Variants in TRAPPC12 observed in about 807,000 individuals in gnomAD.
The protein encoded by TRAPPC12 is trafficking protein particle complex subunit 12.
A neutral mutation model predicts 69.2 loss-of-function variants in TRAPPC12; 61 were observed. That is an observed-to-expected ratio of 0.88 (90% CI 0.72 to 1.09). TRAPPC12 has a LOEUF of 1.09. Among genes scored for constraint, TRAPPC12 ranks in the 50% least tolerant of loss-of-function variants. TRAPPC12 has a pLI of 0.00. For missense variants in TRAPPC12, 1,101 were observed against 1,016.4 expected (o/e 1.08, Z -1.13); for synonymous variants, 469 against 438.9 (o/e 1.07, Z -0.86).
At chr2:3,418,437 TC>T (rs2103046797) in intron 3 of TRAPPC12, among the ~76,000 whole-genome samples, 1 of 152,290 alleles carries the variant, frequency 6.6e-6, no homozygotes, top group East Asian at 1.9e-4. Flanking sequence ...CCCACAGTCC[TC>T]CTTGAAGTCA....
At chr2:3,406,656 C>G (rs552643455) in intron 3 of TRAPPC12, among the ~76,000 whole-genome samples, 1 of 152,324 alleles carries the variant, frequency 6.6e-6, no homozygotes, top group African/African-American at 2.4e-5. Flanking sequence ...GGCCATTTCC[C>G]TGGCCCATGC....
chr2:3,390,916 T>G (rs900847467), intron 2 of TRAPPC12, among the ~76,000 whole-genome samples: 5 of 152,222 alleles, frequency 3.3e-5, no homozygotes, highest in African/African-American at 1.2e-4. Flanking sequence ...AAAATCTTCC[T>G]CTGATCATTG....
intron 2 of TRAPPC12, among the ~76,000 whole-genome samples, chr2:3,392,268 G>A (rs1458791272): frequency 6.7e-6 from 1 of 148,652 alleles, no homozygotes; most frequent in Admixed American, 6.7e-5. Context: ...GTGTTCACCA[G>A]CAAGCCTGCC....
intron 2 of TRAPPC12, among the ~76,000 whole-genome samples, chr2:3,400,403 T>A (rs1402370657): frequency 6.6e-6 from 1 of 151,826 alleles, no homozygotes; most frequent in Non-Finnish European, 1.5e-5. Context: ...GGATACTCAC[T>A]GTCTCTGGCG....
chr2:3,446,556 G>A (rs562401655), intron 6 of TRAPPC12, among the ~76,000 whole-genome samples: 3 of 152,310 alleles, frequency 2.0e-5, no homozygotes, highest in South Asian at 2.1e-4. Flanking sequence ...CAACTTCCTC[G>A]CTCACTTCCT....
chr2:3,463,044 T>C, intron 8 of TRAPPC12: 1 of 452,634 alleles, frequency 2.2e-6, no homozygotes, highest in Non-Finnish European at 4.7e-6. Flanking sequence ...ATGGTGAAGA[T>C]TGAGCTAAAA....
chr2:3,426,857 G>A (rs1201799478), intron 5 of TRAPPC12, among the ~76,000 whole-genome samples: 2 of 152,234 alleles, frequency 1.3e-5, no homozygotes, highest in Admixed American at 6.5e-5. Context: ...ATGAGTTGGA[G>A]AGATACAGCC....
rs61211808 is a variant in TRAPPC12, at chr2:3,473,629, C to G, written c.1777-4066C>G. Among the ~76,000 whole-genome samples, 791 of 152,218 alleles carry G rather than the reference C, an allele frequency of 5.2e-3. 9 individuals carry two copies. The highest frequency in any genetic ancestry group is 0.018 in the African/African-American group (760 of 41,520). Reference sequence around the variant, plus strand: ...CGAGTAGCTGGGAACAGGAATGCACCACCATGCCCAGCTAAGTTTTTTGTA... The same window carrying G: ...CGAGTAGCTGGGAACAGGAATGCACGACCATGCCCAGCTAAGTTTTTTGTA... On this transcript the variant is annotated intron_variant, in intron 9 of 11. Coordinates refer to ENST00000324266, the MANE Select transcript of TRAPPC12 (RefSeq NM_016030.6).
intron 3 of TRAPPC12, among the ~76,000 whole-genome samples, chr2:3,420,152 C>T (rs762840893): frequency 1.1e-4 from 17 of 152,094 alleles, no homozygotes; most frequent in Non-Finnish European, 2.2e-4. Context: ...TGGGTAAACA[C>T]ACTGGTAATG....
At chr2:3,465,771 T>G in intron 9 of TRAPPC12, 76 bp downstream of exon 9, 2 of 947,838 alleles carry the variant, frequency 2.1e-6, no homozygotes, top group Non-Finnish European at 3.5e-6. Context: ...CTGTTTGCTT[T>G]TAATCATTTT....
chr2:3,388,743 T>C (rs12999424), intron 2 of TRAPPC12, 73 bp downstream of exon 2: 2 of 1,374,324 alleles, frequency 1.5e-6, no homozygotes, highest in East Asian at 5.2e-5. Context: ...AGTGCCCCTT[T>C]AGGGATGGAG....
At chr2:3,396,085 G>C (rs1042967915) in intron 2 of TRAPPC12, among the ~76,000 whole-genome samples, 48 of 151,994 alleles carry the variant, frequency 3.2e-4, no homozygotes, top group African/African-American at 1.1e-3. Context: ...GGCTGGTCTT[G>C]AACTCATGAC....
rs533169334 is a variant in TRAPPC12 at position 3,457,563 on chromosome 2, A to T, written c.1531-58A>T. 4.0e-4 allele frequency: 568 copies of T among 1,429,670 alleles called. 3 individuals carry two copies. The African/African-American group carries it at 7.1e-3, about 18-fold the overall frequency. 88.6% of individuals were successfully genotyped at this position (1,429,670 alleles called of 1,614,324 possible). A position where few individuals can be genotyped will look rare whatever the true frequency, so the allele number is the denominator to read the frequency against. On this transcript the variant is annotated intron_variant, in intron 6 of 11. Transcript: ENST00000324266. ...CTGTACTGAGATTATATTATAACAA[A>T]GTCTTAGACAAAAATTGGTTCCCAT...
Position 3,388,790 on chromosome 2 carries a change from C to T in TRAPPC12, c.1047+120C>T, listed in dbSNP as rs984719161. 4 of 1,020,112 alleles carry T rather than the reference C, an allele frequency of 3.9e-6. No homozygotes were observed. The Admixed American group carries it at 9.0e-5, about 23-fold the overall frequency. The allele number at this position is 1,020,112 out of a possible 1,614,324, so 63.2% of individuals were successfully genotyped here. A position where few individuals can be genotyped will look rare whatever the true frequency, so the allele number is the denominator to read the frequency against. ...CTTGTTTTCAGTAATTCCTAACATC[C>T]CATTGTGAGCGCCTGTGTTCCTCTG... On this transcript the variant is annotated intron_variant, in intron 2 of 11. Coordinates refer to ENST00000324266, the MANE Select transcript of TRAPPC12 (RefSeq NM_016030.6).
At chr2:3,413,569 T>G (rs1379316474) in intron 3 of TRAPPC12, among the ~76,000 whole-genome samples, 1 of 152,198 alleles carries the variant, frequency 6.6e-6, no homozygotes, top group African/African-American at 2.4e-5. Flanking sequence ...TTATAAATCA[T>G]GTCCCAAGAA....
intron 5 of TRAPPC12, among the ~76,000 whole-genome samples, chr2:3,429,775 C>G (rs1663324888): frequency 6.6e-6 from 1 of 152,182 alleles, no homozygotes; most frequent in South Asian, 2.1e-4. Context: ...GTTTTGGGAT[C>G]TGGTTGAATC....
chr2:3,457,291 G>C, intron 6 of TRAPPC12: 1 of 435,006 alleles, frequency 2.3e-6, no homozygotes, highest in South Asian at 1.9e-5. Context: ...CTACCAGTGG[G>C]GGGAGGGTGG....
intron 1 of TRAPPC12, among the ~76,000 whole-genome samples, chr2:3,380,906 C>A (rs1660177960): frequency 6.6e-6 from 1 of 152,204 alleles, no homozygotes; most frequent in Non-Finnish European, 1.5e-5. Context: ...TCAAGATTTT[C>A]AGAGGTTACT....
chr2:3,407,553 G>A (rs904094280), intron 3 of TRAPPC12, among the ~76,000 whole-genome samples: 1 of 152,192 alleles, frequency 6.6e-6, no homozygotes, highest in African/African-American at 2.4e-5. Flanking sequence ...ATTGAAAATA[G>A]AGGAGGGGGG....
Sources: gnomAD v4.1 joint callset for allele counts (sites outside exome capture counted in the v4.1 genomes callset) on GRCh38, gnomAD v4.1.1 for gene constraint, MANE v1.5 for transcripts, NCBI Gene and HGNC (gene_info 2026-07-23, HGNC 2026-07-21) for gene names.